The following MAP3K7CL variants were observed in gnomAD, a reference collection of about 807,000 sequenced individuals.
The protein encoded by MAP3K7CL is MAP3K7 C-terminal-like protein.
In MAP3K7CL, 16 loss-of-function variants were observed where a neutral mutation model predicts 18.6. The ratio of observed to expected loss-of-function variants is 0.86; its 90% CI spans 0.58 to 1.31. MAP3K7CL has a LOEUF of 1.31. Among genes scored for constraint, MAP3K7CL ranks in the 50% most tolerant of loss-of-function variants. The pLI, the probability that MAP3K7CL is intolerant of heterozygous loss-of-function variation, is 0.00. For synonymous variants in MAP3K7CL, 65 were observed against 66.8 expected, an observed-to-expected ratio of 0.97 and a Z score of 0.13; for missense variants, 163 against 174.4, an observed-to-expected ratio of 0.93 and a Z score of 0.37.
chr21:29,080,155 C>G (rs2085812196), intron 1 of MAP3K7CL, among the ~76,000 whole-genome samples: 1 of 152,182 alleles, frequency 6.6e-6, no homozygotes, highest in Non-Finnish European at 1.5e-5. Flanking sequence ...GTTTATCAGT[C>G]TCTCTTTCAG....
At chr21:29,118,758 T>C (rs1018917008) in intron 4 of MAP3K7CL, among the ~76,000 whole-genome samples, 14 of 152,256 alleles carry the variant, frequency 9.2e-5, no homozygotes, top group African/African-American at 3.4e-4. Flanking sequence ...GGACAAATTA[T>C]GAAGGGCTTT....
chr21:29,123,059 T>TA (rs1405208686), intron 4 of MAP3K7CL, among the ~76,000 whole-genome samples: 4 of 102,192 alleles, frequency 3.9e-5, no homozygotes, highest in Non-Finnish European at 5.8e-5. Flanking sequence ...AATGATCTTT[T>TA]TTTTTTTTTT....
chr21:29,172,695 A>C (rs528363819), intron 4 of MAP3K7CL, among the ~76,000 whole-genome samples: 2 of 152,268 alleles, frequency 1.3e-5, no homozygotes, highest in African/African-American at 2.4e-5. Context: ...ACGTAGAAGT[A>C]GTTTGGGTTT....
chr21:29,119,556 TTG>T (rs1479473160), intron 4 of MAP3K7CL, among the ~76,000 whole-genome samples: 1 of 152,188 alleles, frequency 6.6e-6, no homozygotes, highest in Admixed American at 6.5e-5. Flanking sequence ...TGTTGCGCCT[TTG>T]TGTTTCCTGT....
intron 4 of MAP3K7CL, among the ~76,000 whole-genome samples, chr21:29,171,363 C>G (rs2087822282): frequency 6.6e-6 from 1 of 152,206 alleles, no homozygotes; most frequent in Non-Finnish European, 1.5e-5. Context: ...TTTCTAACAT[C>G]TGGTTTTGCT....
At chr21:29,153,036 C>A (rs2087314049) in intron 3 of MAP3K7CL, among the ~76,000 whole-genome samples, 1 of 151,988 alleles carries the variant, frequency 6.6e-6, no homozygotes, top group Non-Finnish European at 1.5e-5. Context: ...CTAATTTGAC[C>A]CCCAGGATTT....
intron 4 of MAP3K7CL, among the ~76,000 whole-genome samples, chr21:29,171,774 T>G (rs567381475): frequency 8.3e-6 from 1 of 120,136 alleles, no homozygotes; most frequent in African/African-American, 3.3e-5. Flanking sequence ...GCCACCGCAC[T>G]CCAGTCTGGG....
chr21:29,170,681 C>T (rs1219608828), intron 4 of MAP3K7CL, among the ~76,000 whole-genome samples: 1 of 151,698 alleles, frequency 6.6e-6, no homozygotes, highest in Non-Finnish European at 1.5e-5. Context: ...ACTCTGTCGC[C>T]CAGGCAGGAG....
At chr21:29,096,293 G>A (rs561317491) in intron 4 of MAP3K7CL, among the ~76,000 whole-genome samples, 1 of 152,358 alleles carries the variant, frequency 6.6e-6, no homozygotes, top group East Asian at 1.9e-4. Context: ...TATTCTAGGT[G>A]CTGGGGAATA....
chr21:29,175,873 A>G lies in MAP3K7CL; in HGVS notation c.*981A>G, dbSNP rs1338980735. The G allele has an allele frequency of 1.3e-5, 2 of 152,056 alleles. No individual in the cohort carries two copies. The highest frequency in any genetic ancestry group is 2.9e-5 in the Non-Finnish European group (2 of 68,010). 9.4% of individuals were successfully genotyped at this position (152,056 alleles called of 1,614,324 possible). On this transcript the variant is annotated 3_prime_UTR_variant, in exon 5 of 5. Coordinates refer to ENST00000399928, the MANE Select transcript of MAP3K7CL (RefSeq NM_001286620.2). ...TCATGTAACTTCTTTTTCATTAAAC[A>G]TGGATCAAAACTGACAGTTTCTAGT...
intron 4 of MAP3K7CL, among the ~76,000 whole-genome samples, chr21:29,093,625 G>GCACCCGCCAC (rs2086068890): frequency 6.6e-6 from 1 of 151,530 alleles, no homozygotes; most frequent in African/African-American, 2.4e-5. Flanking sequence ...GGGACTGCCG[G>GCACCCGCCAC]CACCCGCCAC....
chr21:29,157,738 A>C (rs2087441726), intron 3 of MAP3K7CL, among the ~76,000 whole-genome samples: 1 of 152,252 alleles, frequency 6.6e-6, no homozygotes, highest in South Asian at 2.1e-4. Context: ...GTAGTAAAAA[A>C]AGAACAAATG....
rs73192178 is a variant in MAP3K7CL, at chr21:29,109,896, G to C, written c.370+17315G>C. On this transcript the variant is annotated intron_variant, in intron 4 of 6. Coordinates refer to the MAP3K7CL transcript ENST00000286791. ...TTGAATTTGTCTTCTGTTATTGTCA[G>C]ATTGCTCTCCAAGAAGACATTAATC... The C allele has an allele frequency of 6.8e-3, 4,233 of 625,058 alleles. 17 individuals are homozygous for C. Among genetic ancestry groups the C allele is most frequent in the Non-Finnish European group, 7.9e-3 (3,942 of 500,530 alleles). 38.7% of individuals were successfully genotyped at this position (625,058 alleles called of 1,614,324 possible). A position where few individuals can be genotyped will look rare whatever the true frequency, so the allele number is the denominator to read the frequency against.
chr21:29,097,121 A>G (rs2086137022), intron 4 of MAP3K7CL, among the ~76,000 whole-genome samples: 1 of 152,138 alleles, frequency 6.6e-6, no homozygotes, highest in Non-Finnish European at 1.5e-5. Flanking sequence ...GGTAAGGGAT[A>G]CTACCTTAGT....
At chr21:29,142,853 A>C (rs2087038965) in intron 2 of MAP3K7CL, among the ~76,000 whole-genome samples, 1 of 152,216 alleles carries the variant, frequency 6.6e-6, no homozygotes, top group Non-Finnish European at 1.5e-5. Flanking sequence ...CCAGTTGTTC[A>C]CATTCACCAA....
intron 4 of MAP3K7CL, among the ~76,000 whole-genome samples, chr21:29,108,430 T>A (rs1435890220): frequency 1.3e-5 from 2 of 152,220 alleles, no homozygotes; most frequent in Admixed American, 6.5e-5. Flanking sequence ...CTCTAATTTA[T>A]AGTATTTTCT....
At position 29,174,568 on chromosome 21, in the gene MAP3K7CL, A is replaced by G. The variant is rs2087919996; in HGVS notation, c.249-144A>G. On this transcript the variant is annotated intron_variant, in intron 4 of 4. Coordinates refer to ENST00000399928, the MANE Select transcript of MAP3K7CL (RefSeq NM_001286620.2). ...TAAAATTTGCAAAGCTGGACAAATA[A>G]AAGTCATTGGAGGCAAGTAGAGATG... 22 of 994,830 alleles carry G rather than the reference A, an allele frequency of 2.2e-5. No homozygotes were observed. In the South Asian group the frequency reaches 3.4e-4, roughly 15 times the overall value. 61.6% of individuals were successfully genotyped at this position (994,830 alleles called of 1,614,324 possible).
At chr21:29,118,542 C>T (rs1056087019) in intron 4 of MAP3K7CL, among the ~76,000 whole-genome samples, 3 of 152,116 alleles carry the variant, frequency 2.0e-5, no homozygotes, top group African/African-American at 7.2e-5. Context: ...ATGTGGTACT[C>T]AGTGCATTAG....
intron 4 of MAP3K7CL, among the ~76,000 whole-genome samples, chr21:29,100,248 G>C (rs780456253): frequency 6.4e-4 from 98 of 152,300 alleles, no homozygotes; most frequent in Non-Finnish European, 1.0e-3. Flanking sequence ...TCTCAATTGA[G>C]TAATCTTCAA....
Sources: gnomAD v4.1 joint callset for allele counts (sites outside exome capture counted in the v4.1 genomes callset) on GRCh38, gnomAD v4.1.1 for gene constraint, MANE v1.5 for transcripts, NCBI Gene and HGNC (gene_info 2026-07-23, HGNC 2026-07-21) for gene names.